The following NLGN1 variants were observed in gnomAD, a reference collection of about 807,000 sequenced individuals.
The protein encoded by NLGN1 is neuroligin-1.
A neutral mutation model predicts 65.5 loss-of-function variants in NLGN1; 12 were observed. The observed-to-expected ratio is 0.18, with a 90% CI of 0.12 to 0.30. NLGN1 has a LOEUF of 0.30. Ranked by LOEUF, NLGN1 falls within the 10% of genes least tolerant of loss-of-function variation. The probability of loss-of-function intolerance (pLI) is 1.00; values close to 1 mark genes in which losing one functional copy is unlikely to be tolerated. For missense variants in NLGN1, 750 were observed against 1,007.1 expected, an observed-to-expected ratio of 0.74 and a Z score of 3.46; for synonymous variants, 350 against 359.5, an observed-to-expected ratio of 0.97 and a Z score of 0.30.
chr3:174,057,230 T>G (rs1736335553), intron 4 of NLGN1, among the ~76,000 whole-genome samples: 1 of 152,032 alleles, frequency 6.6e-6, no homozygotes, highest in African/African-American at 2.4e-5. Context: ...ACAACAAAAT[T>G]TAGAGGCATC....
chr3:173,918,698 G>GTA (rs1307049479), intron 4 of NLGN1, among the ~76,000 whole-genome samples: 82 of 102,574 alleles, frequency 8.0e-4, no homozygotes, highest in African/African-American at 3.1e-3. Context: ...GTGTGTGTGT[G>GTA]TGTGTATATA....
intron 2 of NLGN1, among the ~76,000 whole-genome samples, chr3:173,458,507 TA>T (rs574497717): frequency 1.1e-4 from 16 of 152,122 alleles, no homozygotes; most frequent in African/African-American, 3.9e-4. Context: ...TTTTCTCTCT[TA>T]AAAACCAAAC....
chr3:174,185,510 G>A (rs921792148), intron 4 of NLGN1, among the ~76,000 whole-genome samples: 7 of 151,924 alleles, frequency 4.6e-5, no homozygotes, highest in Middle Eastern at 3.2e-3. Context: ...CTGGACATAT[G>A]GTTTTATACT....
chr3:173,415,072 G>A (rs1047610575), intron 1 of NLGN1, among the ~76,000 whole-genome samples: 1 of 152,206 alleles, frequency 6.6e-6, no homozygotes, highest in Non-Finnish European at 1.5e-5. Context: ...TCTTCATCAA[G>A]CAAAGTCAGA....
chr3:174,189,248 A>C (rs1397728833), intron 4 of NLGN1, among the ~76,000 whole-genome samples: 1 of 152,016 alleles, frequency 6.6e-6, no homozygotes, highest in Non-Finnish European at 1.5e-5. Context: ...CGCAGAGCAA[A>C]GTATACTCTT....
chr3:174,142,355 G>C (rs1480221884), intron 4 of NLGN1, among the ~76,000 whole-genome samples: 2 of 152,032 alleles, frequency 1.3e-5, no homozygotes, highest in Admixed American at 1.3e-4. Context: ...CAGATTGTTT[G>C]TTTTTCTCTT....
rs182845695 is a variant in NLGN1 at position 174,148,306 on chromosome 3, A to G, written c.647-127009A>G. On this transcript the variant is annotated intron_variant, in intron 4 of 6. Transcript: ENST00000457714. ...TAAAAGGGGACACAATATGTCCTAGATAATACAATCCTACAGAAGTCATAC... is the reference window on the plus strand; with the variant it reads ...TAAAAGGGGACACAATATGTCCTAGGTAATACAATCCTACAGAAGTCATAC... 7.2e-5 allele frequency among the ~76,000 whole-genome samples: 11 copies of G among 152,346 alleles called. No individual in the cohort carries two copies. In the East Asian group the frequency reaches 2.1e-3, roughly 29 times the overall value.
At chr3:173,751,632 G>A (rs573887696) in intron 3 of NLGN1, among the ~76,000 whole-genome samples, 1 of 152,158 alleles carries the variant, frequency 6.6e-6, no homozygotes, top group Non-Finnish European at 1.5e-5. Context: ...AGGATGAACA[G>A]TCTAGATAAG....
chr3:174,284,232 ATGAG>A (rs1357151486), exon 7 of NLGN1: 1 of 151,412 alleles, frequency 6.6e-6, no homozygotes, highest in Non-Finnish European at 1.5e-5. Flanking sequence ...GTCATTGTGA[ATGAG>A]TGTTAGTTGC....
At chr3:173,974,336 CTT>C (rs1478560314) in intron 4 of NLGN1, among the ~76,000 whole-genome samples, 1 of 151,712 alleles carries the variant, frequency 6.6e-6, no homozygotes, top group East Asian at 1.9e-4. Context: ...TTTTAGGACT[CTT>C]CATACTACAT....
intron 2 of NLGN1, among the ~76,000 whole-genome samples, chr3:173,517,027 A>G (rs1733922594): frequency 6.6e-6 from 1 of 150,640 alleles, no homozygotes; most frequent in South Asian, 2.1e-4. Flanking sequence ...TAAGTATTAG[A>G]TCTGCCACTT....
chr3:173,894,919 G>A (rs528380177), intron 4 of NLGN1, among the ~76,000 whole-genome samples: 1 of 146,816 alleles, frequency 6.8e-6, no homozygotes, highest in South Asian at 2.1e-4. Flanking sequence ...TTACAGGCAT[G>A]AGCCCCCTCA....
At chr3:173,853,874 A>C (rs1200769275) in intron 4 of NLGN1, among the ~76,000 whole-genome samples, 1 of 151,936 alleles carries the variant, frequency 6.6e-6, no homozygotes, top group Non-Finnish European at 1.5e-5. Flanking sequence ...TTAAAATTAA[A>C]ATTAATATGA....
At chr3:173,525,190 T>TA (rs1210343209) in intron 2 of NLGN1, among the ~76,000 whole-genome samples, 3 of 152,176 alleles carry the variant, frequency 2.0e-5, no homozygotes, top group Non-Finnish European at 4.4e-5. Context: ...TTATGTCTGG[T>TA]AGAGTTTGGC....
chr3:173,759,594 T>C (rs887892906), intron 3 of NLGN1, among the ~76,000 whole-genome samples: 1 of 151,978 alleles, frequency 6.6e-6, no homozygotes, highest in African/African-American at 2.4e-5. Flanking sequence ...TGCAATGCTA[T>C]TGGCCACGTA....
intron 4 of NLGN1, among the ~76,000 whole-genome samples, chr3:173,884,444 G>A (rs1560558234): frequency 6.6e-6 from 1 of 152,068 alleles, no homozygotes; most frequent in Non-Finnish European, 1.5e-5. Context: ...ATATATGTTC[G>A]TAATGATCTT....
At chr3:174,006,669 C>T (rs1000327676) in intron 4 of NLGN1, among the ~76,000 whole-genome samples, 2 of 152,136 alleles carry the variant, frequency 1.3e-5, no homozygotes, top group Non-Finnish European at 2.9e-5. Context: ...CCCTAACCCC[C>T]AGTACTTCAG....
chr3:174,025,202 C>G (rs1231221765), intron 4 of NLGN1, among the ~76,000 whole-genome samples: 1 of 152,002 alleles, frequency 6.6e-6, no homozygotes, highest in East Asian at 1.9e-4. Flanking sequence ...AGTACCTAGG[C>G]CAAATCTATA....
At chr3:173,500,565 A>G (rs187611846) in intron 2 of NLGN1, among the ~76,000 whole-genome samples, 252 of 152,276 alleles carry the variant, frequency 1.7e-3, no homozygotes, top group Middle Eastern at 6.8e-3. Context: ...TGCTGGCCTC[A>G]TAAAATGAGT....
Sources: allele counts gnomAD v4.1 joint callset (sites outside exome capture counted in the v4.1 genomes callset), GRCh38; gene constraint gnomAD v4.1.1; transcripts MANE v1.5; gene names NCBI Gene and HGNC (gene_info 2026-07-23, HGNC 2026-07-21).